Variants in SLC30A7 observed in about 807,000 individuals in gnomAD.
SLC30A7 encodes solute carrier family 30 member 7.
In SLC30A7, 35 loss-of-function variants were observed where a neutral mutation model predicts 46.0. The observed-to-expected ratio is 0.76, with a 90% CI of 0.58 to 1.01. The LOEUF (loss-of-function observed/expected upper bound fraction) is 1.01. Ranked by LOEUF, SLC30A7 falls within the 50% of genes least tolerant of loss-of-function variation. SLC30A7 has a pLI of 0.00. For synonymous variants in SLC30A7, 147 were observed against 157.8 expected (o/e 0.93, Z 0.51); for missense variants, 464 against 451.1 (o/e 1.03, Z -0.26).
intron 6 of SLC30A7, among the ~76,000 whole-genome samples, chr1:100,916,182 T>C (rs957981111): frequency 5.9e-5 from 9 of 151,706 alleles, no homozygotes; most frequent in African/African-American, 2.2e-4. Flanking sequence ...ATATTCTTAT[T>C]ATTTATTTAT....
chr1:100,929,875 T>G (rs1570545594), intron 8 of SLC30A7, among the ~76,000 whole-genome samples: 1 of 152,232 alleles, frequency 6.6e-6, no homozygotes, highest in East Asian at 1.9e-4. Flanking sequence ...ATGATTCCTA[T>G]AAGAGCTTTC....
intron 8 of SLC30A7, among the ~76,000 whole-genome samples, chr1:100,947,387 T>C (rs1173844900): frequency 6.6e-6 from 1 of 152,358 alleles, no homozygotes; most frequent in East Asian, 1.9e-4. Context: ...TTCTTAATCC[T>C]GAGTTCTAAT....
intron 5 of SLC30A7, 144 bp from the exon 6 acceptor site, chr1:100,913,519 C>G: frequency 1.5e-6 from 1 of 649,558 alleles, no homozygotes; most frequent in Non-Finnish European, 2.7e-6. Flanking sequence ...ATTGTTTTAA[C>G]AAATGTGTAA....
the SLC30A7 span, chr1:100,990,369 T>G: frequency 6.3e-7 from 1 of 1,587,232 alleles, no homozygotes; most frequent in Non-Finnish European, 8.6e-7. Context: ...AATCCATATA[T>G]GGCTGAAATT....
At chr1:100,974,319 A>G (rs1321815334) in intron 10 of SLC30A7, among the ~76,000 whole-genome samples, 1 of 152,224 alleles carries the variant, frequency 6.6e-6, no homozygotes, top group East Asian at 1.9e-4. Context: ...TTGATAATAC[A>G]GAAGATATTG....
At position 100,974,852 on chromosome 1, in the gene SLC30A7, A is replaced by G. The variant is rs754920787; in HGVS notation, c.1126A>G (p.Met376Val). Residue 376 changes from methionine to valine, a missense_variant, in exon 11 of 11, where the codon ATG becomes GTG. Coordinates refer to ENST00000357650, the MANE Select transcript of SLC30A7 (RefSeq NM_133496.5). Reference sequence around the variant, plus strand: ...CTACGTACAGATTGACTTTGCAGCCATGTAGTGAATGGAAAGAAATTATGC... The same window carrying G: ...CTACGTACAGATTGACTTTGCAGCCGTGTAGTGAATGGAAAGAAATTATGC... Reference protein sequence around the residue: ...QLYVQIDFAAM With the variant: ...QLYVQIDFAAV 2 of 1,598,866 alleles carry G rather than the reference A, an allele frequency of 1.3e-6. No individual in the cohort carries two copies. Among genetic ancestry groups the G allele is most frequent in the Non-Finnish European group, 1.7e-6 (2 of 1,169,196 alleles).
At chr1:100,906,007 C>T (rs1194335025) in intron 2 of SLC30A7, among the ~76,000 whole-genome samples, 1 of 152,100 alleles carries the variant, frequency 6.6e-6, no homozygotes, top group Non-Finnish European at 1.5e-5. Context: ...CAGAAATGGG[C>T]ACACCTATTT....
In SLC30A7 at chr1:100,950,696, G is replaced by T. The variant is rs1467742357; in HGVS notation, c.843-11132G>T. On this transcript the variant is annotated intron_variant, in intron 8 of 10. Coordinates refer to ENST00000357650, the MANE Select transcript of SLC30A7 (RefSeq NM_133496.5). ...CTTCTCCTAAAATCAGGACTTTACT[G>T]TAGGCAAAGTTCTCTGAAAGAGCCC... is the stretch of plus-strand genomic sequence containing the variant. Among the ~76,000 whole-genome samples, 4 of 152,092 alleles carry T rather than the reference G, an allele frequency of 2.6e-5. No homozygotes were observed. The South Asian group carries it at 8.3e-4, about 31-fold the overall frequency.
At chr1:100,909,751 A>G (rs779755990) in intron 3 of SLC30A7, among the ~76,000 whole-genome samples, 2 of 152,144 alleles carry the variant, frequency 1.3e-5, no homozygotes, top group Admixed American at 6.5e-5. Flanking sequence ...AAACAAAAAG[A>G]TGCCTGAAAA....
intron 8 of SLC30A7, 51 bp downstream of exon 8, chr1:100,921,892 A>G (rs1467529857): frequency 8.4e-6 from 12 of 1,428,118 alleles, no homozygotes; most frequent in Non-Finnish European, 1.1e-5. Flanking sequence ...AGAGAGAAAT[A>G]TGTTACTTAA....
At chr1:100,938,936 A>G (rs1338358829) in intron 8 of SLC30A7, among the ~76,000 whole-genome samples, 1 of 152,200 alleles carries the variant, frequency 6.6e-6, no homozygotes, top group Non-Finnish European at 1.5e-5. Flanking sequence ...ATAGTACCCA[A>G]TAGGTAGTTT....
In SLC30A7 at chr1:100,906,972, CTT is replaced by C; in HGVS notation, c.296+9_296+10del. ...ATGATGCTTTCTCCTATGGGTAAGA[CTT>C]TAAGAAAAAAAATCTTTTTATTGAA... On this transcript the variant is annotated splice_region_variant and intron_variant, in intron 3 of 10. Coordinates refer to ENST00000357650, the MANE Select transcript of SLC30A7 (RefSeq NM_133496.5). The C allele has an allele frequency of 6.4e-7, 1 of 1,560,010 alleles. No individual in the cohort carries two copies. Among genetic ancestry groups the C allele is most frequent in the South Asian group, 1.1e-5 (1 of 88,498 alleles).
downstream of SLC30A7, among the ~76,000 whole-genome samples, chr1:100,983,375 C>CA (rs779529890): frequency 0.24 from 18,425 of 75,750 alleles, 1,410 homozygotes; most frequent in Admixed American, 0.3. Flanking sequence ...TACTTTGAGG[C>CA]AAAAAAAAAA....
chr1:100,946,753 T>C (rs1343308146), intron 8 of SLC30A7, among the ~76,000 whole-genome samples: 1 of 152,182 alleles, frequency 6.6e-6, no homozygotes, highest in Non-Finnish European at 1.5e-5. Context: ...TTTCTTTTTT[T>C]TGTAGTGTCT....
At position 100,977,945 on chromosome 1, in the gene SLC30A7, G is replaced by C. The variant is rs1321676631; in HGVS notation, c.*3088G>C. ...ATTTTTGTGTTTTTAGCAGAGACAG[G>C]GTTTCACCACGTTGGCCAGGGTGGT... On this transcript the variant is annotated 3_prime_UTR_variant, in exon 11 of 11. Transcript: ENST00000357650. The C allele has an allele frequency of 6.6e-6, 1 of 152,144 alleles. No homozygotes were observed. Among genetic ancestry groups the C allele is most frequent in the Non-Finnish European group, 1.5e-5 (1 of 68,058 alleles). The allele number at this position is 152,144 out of a possible 1,614,324, so 9.4% of individuals were successfully genotyped here.
chr1:100,964,254 T>TAC (rs1312532004), intron 9 of SLC30A7, among the ~76,000 whole-genome samples: 1 of 149,112 alleles, frequency 6.7e-6, no homozygotes, highest in African/African-American at 2.4e-5. Flanking sequence ...TATGTATATA[T>TAC]ACACAATATA....
At chr1:100,913,910 T>C in intron 6 of SLC30A7, 104 bp downstream of exon 6, 1 of 1,462,322 alleles carries the variant, frequency 6.8e-7, no homozygotes, top group Non-Finnish European at 9.2e-7. Flanking sequence ...CCAAATCAAC[T>C]TCTTTTCTAA....
In SLC30A7 at chr1:100,911,053, T is replaced by C. The variant is rs1321774380; in HGVS notation, c.297-10T>C. 3 of 1,590,834 alleles carry C rather than the reference T, an allele frequency of 1.9e-6. No homozygotes were observed. Among genetic ancestry groups the C allele is most frequent in the South Asian group, 2.3e-5 (2 of 88,582 alleles). On this transcript the variant is annotated splice_polypyrimidine_tract_variant and intron_variant, in intron 3 of 10. Transcript: ENST00000357650. ...ATAATAATTCAGTTATTTACTTTGTTCCTCTTTAGGTATGTTAGAGCGGAA... is the reference window on the plus strand; with the variant it reads ...ATAATAATTCAGTTATTTACTTTGTCCCTCTTTAGGTATGTTAGAGCGGAA...
chr1:100,936,734 A>G (rs1468675678), intron 8 of SLC30A7, among the ~76,000 whole-genome samples: 1 of 152,114 alleles, frequency 6.6e-6, no homozygotes, highest in African/African-American at 2.4e-5. Context: ...TGTAACCATT[A>G]AGCAATAACT....
Sources: gnomAD v4.1 joint callset for allele counts (sites outside exome capture counted in the v4.1 genomes callset) on GRCh38, gnomAD v4.1.1 for gene constraint, MANE v1.5 for transcripts, NCBI Gene and HGNC (gene_info 2026-07-23, HGNC 2026-07-21) for gene names.